The following SEC62 variants were observed in gnomAD, a reference collection of about 807,000 sequenced individuals.
SEC62 encodes the protein SEC62 preprotein translocation factor, also known as translocation protein SEC62.
Under a neutral mutation model 47.5 loss-of-function variants are expected in SEC62, and 10 were observed. The observed-to-expected ratio is 0.21, with a 90% CI of 0.13 to 0.36. The LOEUF (loss-of-function observed/expected upper bound fraction) is 0.36. Ranked by LOEUF, SEC62 falls within the 10% of genes least tolerant of loss-of-function variation. SEC62 has a pLI of 1.00. For synonymous variants in SEC62, 136 were observed against 150.5 expected (o/e 0.90, Z 0.71); for missense variants, 327 against 464.1 (o/e 0.70, Z 2.71).
chr3:169,988,499 C>G, intron 7 of SEC62, 140 bp downstream of exon 7: 1 of 926,600 alleles, frequency 1.1e-6, no homozygotes. Flanking sequence ...TGAGTCAAAT[C>G]TCAAAACTCA....
At chr3:169,970,933 A>G (rs1157709702) in intron 1 of SEC62, among the ~76,000 whole-genome samples, 1 of 152,228 alleles carries the variant, frequency 6.6e-6, no homozygotes, top group Non-Finnish European at 1.5e-5. Context: ...AGTCCAATGT[A>G]TAAACAAAAA....
At chr3:169,967,004 C>T (rs903708160) in intron 1 of SEC62, 146 bp downstream of exon 1, 2 of 1,005,818 alleles carry the variant, frequency 2.0e-6, no homozygotes, top group Non-Finnish European at 2.9e-6. Flanking sequence ...TGGCTGCAGG[C>T]TGCGCGTTGT....
At chr3:169,985,772 C>A in intron 5 of SEC62, 33 bp from the exon 6 acceptor site, 1 of 1,578,496 alleles carries the variant, frequency 6.3e-7, no homozygotes, top group Non-Finnish European at 8.6e-7. Context: ...GACATTAGAA[C>A]TTTTAAGCAC....
intron 1 of SEC62, among the ~76,000 whole-genome samples, chr3:169,968,977 A>G (rs897465745): frequency 1.3e-5 from 2 of 152,206 alleles, no homozygotes; most frequent in African/African-American, 2.4e-5. Context: ...CCTAGAAAGT[A>G]CCTCAGTTTT....
intron 1 of SEC62, among the ~76,000 whole-genome samples, chr3:169,971,007 G>A (rs577804980): frequency 5.1e-4 from 77 of 151,914 alleles, no homozygotes; most frequent in Non-Finnish European, 9.1e-4. Context: ...AAGACTGCAT[G>A]CACGTTGGAT....
At chr3:169,967,346 A>G (rs1031533096) in intron 1 of SEC62, among the ~76,000 whole-genome samples, 2 of 152,126 alleles carry the variant, frequency 1.3e-5, no homozygotes, top group African/African-American at 4.8e-5. Flanking sequence ...CATAGACCGT[A>G]AGGGGGAATG....
chr3:169,975,531 T>C (rs1324402263), intron 1 of SEC62, 77 bp from the exon 2 acceptor site: 13 of 960,484 alleles, frequency 1.4e-5, no homozygotes, highest in Non-Finnish European at 2.1e-5. Context: ...ATTCATAAAA[T>C]AGATTTGTAA....
At chr3:169,973,164 ATAAT>A (rs1189442682) in intron 1 of SEC62, among the ~76,000 whole-genome samples, 1 of 152,254 alleles carries the variant, frequency 6.6e-6, no homozygotes, top group Non-Finnish European at 1.5e-5. Context: ...TTTTACAAAC[ATAAT>A]TAAATACTAT....
intron 1 of SEC62, chr3:169,968,563 A>G (rs1368663596): frequency 6.6e-6 from 1 of 152,048 alleles, no homozygotes; most frequent in Non-Finnish European, 1.5e-5. Flanking sequence ...GAAAAAAGAA[A>G]AACTTTAAGA....
intron 1 of SEC62, among the ~76,000 whole-genome samples, chr3:169,971,011 G>T (rs74398997): frequency 6.6e-6 from 1 of 151,634 alleles, no homozygotes; most frequent in African/African-American, 2.4e-5. Context: ...CTGCATGCAC[G>T]TTGGATGTGG....
At chr3:169,967,103 G>A (rs1714549428) in intron 1 of SEC62, among the ~76,000 whole-genome samples, 1 of 152,200 alleles carries the variant, frequency 6.6e-6, no homozygotes, top group Non-Finnish European at 1.5e-5. Flanking sequence ...GAGGCGCCGC[G>A]CTCAGAATCC....
chr3:169,976,385 C>A (rs576300226), intron 2 of SEC62, among the ~76,000 whole-genome samples: 5 of 150,266 alleles, frequency 3.3e-5, no homozygotes, highest in African/African-American at 9.7e-5. Context: ...AAAAAAAAAA[C>A]TAAATTGCCA....
At position 169,998,223 on chromosome 3, in the gene SEC62, T is replaced by C. The variant is rs573592682; in HGVS notation, c.*5160T>C. 26 of 152,334 alleles carry C rather than the reference T, an allele frequency of 1.7e-4. No homozygotes were observed. Among genetic ancestry groups the C allele is most frequent in the African/African-American group, 6.0e-4 (25 of 41,578 alleles). 9.4% of individuals were successfully genotyped at this position (152,334 alleles called of 1,614,324 possible). On this transcript the variant is annotated 3_prime_UTR_variant, in exon 8 of 8. Transcript: ENST00000337002. The stretch of plus-strand genomic sequence containing the variant: ...CAATGTTTCAAATAGGACTATAACT[T>C]ATTCAAAGGCCAATGATACTTCGCA...
At chr3:169,991,678 G>T (rs1243147051) in intron 7 of SEC62, among the ~76,000 whole-genome samples, 1 of 152,156 alleles carries the variant, frequency 6.6e-6, no homozygotes, top group Non-Finnish European at 1.5e-5. Context: ...ACTCCAGCCT[G>T]GGTGACAGAG....
rs1182911607 is a variant in SEC62, at chr3:169,993,112, C to T, written c.*49C>T. On this transcript the variant is annotated 3_prime_UTR_variant, in exon 8 of 8. Coordinates refer to ENST00000337002, the MANE Select transcript of SEC62 (RefSeq NM_003262.4). ...GAATAAGTACAAGAGGTTGGATTTTCTATGTTGGCTGATTACCATATTGAA... is the reference window on the plus strand; with the variant it reads ...GAATAAGTACAAGAGGTTGGATTTTTTATGTTGGCTGATTACCATATTGAA... The T allele has an allele frequency of 1.5e-6, 2 of 1,344,656 alleles. No homozygotes were observed. Among genetic ancestry groups the T allele is most frequent in the East Asian group, 2.5e-5 (1 of 40,190 alleles). The allele number at this position is 1,344,656 out of a possible 1,614,324, so 83.3% of individuals were successfully genotyped here. A position where few individuals can be genotyped will look rare whatever the true frequency, so the allele number is the denominator to read the frequency against.
chr3:169,990,941 G>A (rs958467890), intron 7 of SEC62, among the ~76,000 whole-genome samples: 7 of 151,998 alleles, frequency 4.6e-5, no homozygotes, highest in African/African-American at 1.7e-4. Flanking sequence ...ATTGTCTAAA[G>A]AAAACAAAAA....
At chr3:169,979,549 G>A (rs994539715) in intron 3 of SEC62, among the ~76,000 whole-genome samples, 3 of 152,202 alleles carry the variant, frequency 2.0e-5, no homozygotes, top group African/African-American at 7.2e-5. Flanking sequence ...TCAGTCTTGT[G>A]CACATGCCAC....
intron 3 of SEC62, among the ~76,000 whole-genome samples, chr3:169,982,213 G>A (rs763529402): frequency 1.3e-5 from 2 of 151,992 alleles, no homozygotes; most frequent in Non-Finnish European, 2.9e-5. Context: ...CATTACAGTG[G>A]CACACTGAAT....
intron 3 of SEC62, among the ~76,000 whole-genome samples, chr3:169,979,090 TGAGTACAGAGAGTGTCCA>T: frequency 6.6e-6 from 1 of 152,190 alleles, no homozygotes; most frequent in South Asian, 2.1e-4. Flanking sequence ...TCAAAAGACC[TGAGTACAGAGAGTGTCCA>T]AAGACACTCG....
Sources: allele counts gnomAD v4.1 joint callset (sites outside exome capture counted in the v4.1 genomes callset), GRCh38; gene constraint gnomAD v4.1.1; transcripts MANE v1.5; gene names NCBI Gene and HGNC (gene_info 2026-07-23, HGNC 2026-07-21).